The following MOXD1 variants were observed in gnomAD, a reference collection of about 807,000 sequenced individuals.
The protein encoded by MOXD1 is DBH-like monooxygenase protein 1.
In MOXD1, 62 loss-of-function variants were observed where a neutral mutation model predicts 66.6. That is an observed-to-expected ratio of 0.93 (90% CI 0.76 to 1.15). The LOEUF (loss-of-function observed/expected upper bound fraction) is 1.15. Among genes scored for constraint, MOXD1 ranks in the 50% most tolerant of loss-of-function variants. The pLI is 0.00. For missense variants in MOXD1, 847 were observed against 754.6 expected, an observed-to-expected ratio of 1.12 and a Z score of -1.44; for synonymous variants, 303 against 281.9, an observed-to-expected ratio of 1.07 and a Z score of -0.75.
rs1775136054 is a variant in MOXD1 at position 132,324,019 on chromosome 6, C to T, written c.1025G>A (p.Gly342Asp). ...RKYDAGVIEA[G>D]LWVSLFHTIP... is the part of the protein sequence containing the mutation. ...GGTATGGAAGAGGCTCACCCAGAGG[C>T]CAGCCTCAATCACCCCAGCATCATA... Residue 342 changes from glycine (G) to aspartate (D), a missense_variant, in exon 7 of 12, where the codon GGC becomes GAC. Physicochemically the swap from Gly to Asp is moderately conservative, Grantham distance 94 (BLOSUM62 -1). Coordinates refer to ENST00000367963, the MANE Select transcript of MOXD1 (RefSeq NM_015529.4). 6.2e-7 allele frequency: 1 copy of T among 1,613,772 alleles called. No individual in the cohort carries two copies. The highest frequency in any genetic ancestry group is 1.7e-5 in the Admixed American group (1 of 60,018).
intron 10 of MOXD1, 63 bp from the exon 11 acceptor site, chr6:132,298,018 T>C: frequency 7.1e-7 from 1 of 1,415,664 alleles, no homozygotes; most frequent in Non-Finnish European, 9.5e-7. Flanking sequence ...TCCTTTACTT[T>C]TCAGCATCCT....
chr6:132,322,702 T>C lies in MOXD1; in HGVS notation c.1282A>G (p.Lys428Glu). The change falls in exon 8 of 12, where the codon AAG becomes GAG. Residue 428 changes from lysine (K) to glutamate (E), a missense_variant. Coordinates refer to ENST00000367963, the MANE Select transcript of MOXD1 (RefSeq NM_015529.4). ...ACTGGTAAGATTGTTTGTTCTTCCT[T>C]TAGATACTGAAACTCCTGGAAATTG... Reference protein sequence around the residue: ...DFNFQEFQYLKEEQTILPGDN... With the variant: ...DFNFQEFQYLEEEQTILPGDN... 1 of 1,613,894 alleles carries C rather than the reference T, an allele frequency of 6.2e-7. No homozygotes were observed. Among genetic ancestry groups the C allele is most frequent in the Non-Finnish European group, 8.5e-7 (1 of 1,179,910 alleles).
chr6:132,391,379 A>T (rs1163337612), intron 1 of MOXD1: 1 of 152,178 alleles, frequency 6.6e-6, no homozygotes, highest in Non-Finnish European at 1.5e-5. Context: ...AAAATTATCC[A>T]TTTGAAATTA....
At chr6:132,387,460 T>TA (rs1283922245) in intron 1 of MOXD1, among the ~76,000 whole-genome samples, 1 of 151,116 alleles carries the variant, frequency 6.6e-6, no homozygotes, top group Non-Finnish European at 1.5e-5. Flanking sequence ...AGTCTATTAA[T>TA]AATGAGTTTG....
chr6:132,400,241 G>C (rs111831565), intron 1 of MOXD1, among the ~76,000 whole-genome samples: 1,952 of 152,200 alleles, frequency 0.013, 33 homozygotes, highest in African/African-American at 0.043. Context: ...AGAACAATTC[G>C]GAGTTTTCAT....
chr6:132,319,311 A>G (rs760059069), intron 9 of MOXD1, among the ~76,000 whole-genome samples: 6 of 151,988 alleles, frequency 3.9e-5, no homozygotes, highest in Non-Finnish European at 8.8e-5. Flanking sequence ...TTTTTTTACT[A>G]GAATAATATC....
chr6:132,296,065 T>C lies in MOXD1; in HGVS notation c.*1088A>G, dbSNP rs2114513509. On this transcript the variant is annotated 3_prime_UTR_variant, in exon 12 of 12. Coordinates refer to ENST00000367963, the MANE Select transcript of MOXD1 (RefSeq NM_015529.4). ...AATACCACACAAAAGTGTAATTTCATTTAGTTTATTAATATGATCCAAACA... is the reference window on the plus strand; with the variant it reads ...AATACCACACAAAAGTGTAATTTCACTTAGTTTATTAATATGATCCAAACA... The C allele has an allele frequency of 6.6e-6, 1 of 152,282 alleles. No homozygotes were observed. Among genetic ancestry groups the C allele is most frequent in the South Asian group, 2.1e-4 (1 of 4,830 alleles). 9.4% of individuals were successfully genotyped at this position (152,282 alleles called of 1,614,324 possible).
rs3038136 is a variant in MOXD1, at chr6:132,378,875, C to CTT, written c.265-4100_265-4099dup. ...AATGAAAGAGGACAGAACACTTCCT[C>CTT]TTTTTTTTTTTTTTTTTTTTTTTTT... On this transcript the variant is annotated intron_variant, in intron 1 of 11. Transcript: ENST00000367963. Among the ~76,000 whole-genome samples, 205 of 41,912 alleles carry CTT rather than the reference C, an allele frequency of 4.9e-3. 82 individuals carry two copies. The highest frequency in any genetic ancestry group is 0.01 in the Non-Finnish European group (160 of 15,740). 27.5% of individuals were successfully genotyped at this position (41,912 alleles called of 152,430 possible). A position where few individuals can be genotyped will look rare whatever the true frequency, so the allele number is the denominator to read the frequency against.
chr6:132,359,782 G>A (rs373697658), intron 4 of MOXD1, among the ~76,000 whole-genome samples: 6 of 152,228 alleles, frequency 3.9e-5, no homozygotes, highest in Admixed American at 3.3e-4. Flanking sequence ...CACCGCGCCC[G>A]GCCCAGAGTT....
intron 4 of MOXD1, among the ~76,000 whole-genome samples, chr6:132,340,787 C>T (rs1420545472): frequency 2.0e-5 from 3 of 151,874 alleles, no homozygotes; most frequent in African/African-American, 7.3e-5. Flanking sequence ...GCTGGGACTA[C>T]AGGCGCCCGC....
At chr6:132,324,863 T>A (rs1364169110) in intron 6 of MOXD1, among the ~76,000 whole-genome samples, 1 of 152,012 alleles carries the variant, frequency 6.6e-6, no homozygotes, top group Non-Finnish European at 1.5e-5. Flanking sequence ...TTTAAATCAA[T>A]CAGCTTAATC....
chr6:132,387,311 G>T (rs1200091385), intron 1 of MOXD1, among the ~76,000 whole-genome samples: 1 of 151,288 alleles, frequency 6.6e-6, no homozygotes, highest in African/African-American at 2.4e-5. Flanking sequence ...ATTTTATACT[G>T]TGTACATGCA....
At chr6:132,350,617 C>T (rs1775783351) in intron 4 of MOXD1, among the ~76,000 whole-genome samples, 1 of 151,924 alleles carries the variant, frequency 6.6e-6, no homozygotes, top group Non-Finnish European at 1.5e-5. Context: ...TTTTTTGGTT[C>T]CATATGAATT....
chr6:132,335,779 T>C (rs1775423882), intron 4 of MOXD1, among the ~76,000 whole-genome samples: 1 of 152,248 alleles, frequency 6.6e-6, no homozygotes, highest in Non-Finnish European at 1.5e-5. Context: ...AATTTGGAGA[T>C]TTGTACATTT....
chr6:132,375,403 G>C (rs1776358598), intron 1 of MOXD1, among the ~76,000 whole-genome samples: 2 of 152,174 alleles, frequency 1.3e-5, no homozygotes, highest in South Asian at 2.1e-4. Flanking sequence ...CATAATTTTT[G>C]TACTAAATTT....
chr6:132,371,228 T>C (rs186072345), intron 4 of MOXD1, among the ~76,000 whole-genome samples: 126 of 152,298 alleles, frequency 8.3e-4, no homozygotes, highest in Non-Finnish European at 1.4e-3. Flanking sequence ...ATACTTTTCA[T>C]TGGTACAAGG....
chr6:132,371,984 G>A (rs962031755), intron 4 of MOXD1, among the ~76,000 whole-genome samples: 5 of 152,126 alleles, frequency 3.3e-5, no homozygotes, highest in East Asian at 1.9e-4. Context: ...TTACTAGCAC[G>A]GAGCCAAGGA....
In MOXD1 at chr6:132,328,527, T is replaced by C; in HGVS notation, c.731A>G (p.Asn244Ser). 2.5e-6 allele frequency: 4 copies of C among 1,614,126 alleles called. No individual in the cohort carries two copies. The highest frequency in any genetic ancestry group is 2.2e-5 in the East Asian group (1 of 44,872). The change falls in exon 5 of 12, where the codon AAC becomes AGC. Residue 244 changes from asparagine (N) to serine (S), a missense_variant. By Grantham distance (46) the Asn-to-Ser change is conservative (BLOSUM62 1). Transcript: ENST00000367963. ...VHHILLYQCS[N>S]NFNDSVLESG... ...CTCCAGAACGCTGTCGTTAAAGTTG[T>C]TGCTGCACTGATAGAGCAGGATGTG...
intron 10 of MOXD1, among the ~76,000 whole-genome samples, chr6:132,302,059 T>A (rs1774552920): frequency 6.6e-6 from 1 of 151,978 alleles, no homozygotes; most frequent in South Asian, 2.1e-4. Context: ...AGAGGAAAAA[T>A]TTGTATAAGG....
Sources: gnomAD v4.1 joint callset for allele counts (sites outside exome capture counted in the v4.1 genomes callset) on GRCh38, gnomAD v4.1.1 for gene constraint, MANE v1.5 for transcripts, NCBI Gene and HGNC (gene_info 2026-07-23, HGNC 2026-07-21) for gene names.